Variants in PLEKHA2 observed in about 807,000 individuals in gnomAD.
The protein encoded by PLEKHA2 is pleckstrin homology domain-containing family A member 2.
In PLEKHA2, 28 loss-of-function variants were observed where a neutral mutation model predicts 53.2. The ratio of observed to expected loss-of-function variants is 0.53; its 90% CI spans 0.39 to 0.72. The LOEUF (loss-of-function observed/expected upper bound fraction) is 0.72, where lower values mean the gene tolerates loss of function less well. Ranked by LOEUF, PLEKHA2 falls within the 30% of genes least tolerant of loss-of-function variation. The pLI is 0.00. For synonymous variants in PLEKHA2, 193 were observed against 196.4 expected, an observed-to-expected ratio of 0.98 and a Z score of 0.14; for missense variants, 426 against 537.9, an observed-to-expected ratio of 0.79 and a Z score of 2.06.
At chr8:38,928,159 A>G (rs1834320311) in intron 2 of PLEKHA2, among the ~76,000 whole-genome samples, 1 of 150,254 alleles carries the variant, frequency 6.7e-6, no homozygotes, top group Non-Finnish European at 1.5e-5. Context: ...CTTTAGAAAC[A>G]TTTAGGTGGC....
chr8:38,909,675 C>A (rs560367589), intron 1 of PLEKHA2, among the ~76,000 whole-genome samples: 2 of 152,286 alleles, frequency 1.3e-5, no homozygotes, highest in South Asian at 4.2e-4. Flanking sequence ...CCCAGTGCCC[C>A]CCATTTCATT....
At chr8:38,923,279 G>T in intron 2 of PLEKHA2, among the ~76,000 whole-genome samples, 1 of 152,162 alleles carries the variant, frequency 6.6e-6, no homozygotes, top group East Asian at 1.9e-4. Flanking sequence ...TGCAATCTTG[G>T]CTCTGCCACT....
chr8:38,905,314 T>C (rs1833853702), intron 1 of PLEKHA2, among the ~76,000 whole-genome samples: 1 of 151,944 alleles, frequency 6.6e-6, no homozygotes, highest in Non-Finnish European at 1.5e-5. Context: ...AAAAATTAGC[T>C]AGCTGTAGTA....
intron 9 of PLEKHA2, among the ~76,000 whole-genome samples, chr8:38,955,985 A>ATT (rs937886999): frequency 6.6e-6 from 1 of 150,890 alleles, no homozygotes; most frequent in Non-Finnish European, 1.5e-5. Flanking sequence ...TCAGTTTTGT[A>ATT]TTTTTTTTTA....
chr8:38,946,345 C>G, intron 5 of PLEKHA2, 124 bp downstream of exon 5: 1 of 737,662 alleles, frequency 1.4e-6, no homozygotes, highest in South Asian at 1.7e-5. Flanking sequence ...GGTCTGTACC[C>G]AGTTCTCTCC....
At chr8:38,915,268 A>C (rs1009983375) in intron 1 of PLEKHA2, among the ~76,000 whole-genome samples, 2 of 152,174 alleles carry the variant, frequency 1.3e-5, no homozygotes, top group African/African-American at 2.4e-5. Flanking sequence ...CTGATTCCTC[A>C]TTCTTTCCAT....
intron 2 of PLEKHA2, among the ~76,000 whole-genome samples, chr8:38,928,720 G>T (rs920088452): frequency 6.6e-6 from 1 of 152,168 alleles, no homozygotes; most frequent in African/African-American, 2.4e-5. Context: ...TTAAGCCCAC[G>T]CAGCAGAGGA....
At chr8:38,938,709 C>G (rs1415847478) in intron 3 of PLEKHA2, among the ~76,000 whole-genome samples, 2 of 152,184 alleles carry the variant, frequency 1.3e-5, no homozygotes, top group Non-Finnish European at 2.9e-5. Flanking sequence ...ACAGGACCCA[C>G]CAGTCAACCA....
chr8:38,916,422 C>T (rs554307690), intron 1 of PLEKHA2, among the ~76,000 whole-genome samples: 1 of 152,280 alleles, frequency 6.6e-6, no homozygotes, highest in East Asian at 1.9e-4. Flanking sequence ...CCCCCACTAC[C>T]CTTCCCAGCC....
intron 2 of PLEKHA2, among the ~76,000 whole-genome samples, chr8:38,920,793 G>A (rs1319470515): frequency 1.3e-5 from 2 of 151,138 alleles, no homozygotes; most frequent in Non-Finnish European, 3.0e-5. Context: ...CGAACTCCTG[G>A]TTTCTTTTTT....
At chr8:38,919,395 T>C (rs7844400) in intron 2 of PLEKHA2, among the ~76,000 whole-genome samples, 68,541 of 151,954 alleles carry the variant, frequency 0.45, 17,660 homozygotes, top group African/African-American at 0.72. Flanking sequence ...TGCTGTTAGC[T>C]CTTTCCTTCC....
At chr8:38,916,588 A>G (rs1224425589) in intron 1 of PLEKHA2, among the ~76,000 whole-genome samples, 1 of 152,296 alleles carries the variant, frequency 6.6e-6, no homozygotes, top group East Asian at 1.9e-4. Flanking sequence ...TGTTGTTGCA[A>G]ATGACAGGAT....
intron 2 of PLEKHA2, among the ~76,000 whole-genome samples, chr8:38,921,205 T>A (rs926201252): frequency 1.2e-4 from 18 of 152,238 alleles, no homozygotes; most frequent in African/African-American, 4.3e-4. Context: ...GGGTGACTTA[T>A]GGGTCTTCAC....
intron 3 of PLEKHA2, among the ~76,000 whole-genome samples, chr8:38,940,040 G>T (rs971676149): frequency 7.0e-6 from 1 of 143,660 alleles, no homozygotes; most frequent in African/African-American, 2.6e-5. Flanking sequence ...GGCTGACCAA[G>T]CCATGACTGC....
rs527773872 is a variant in PLEKHA2 at position 38,941,087 on chromosome 8, C to T, written c.199-2702C>T. 3.6e-4 allele frequency among the ~76,000 whole-genome samples: 54 copies of T among 149,046 alleles called. 1 individual carries two copies. The South Asian group carries it at 0.01, about 29-fold the overall frequency. On this transcript the variant is annotated intron_variant, in intron 3 of 11. Coordinates refer to ENST00000617275, the MANE Select transcript of PLEKHA2 (RefSeq NM_021623.2). ...TTTTTTTTTTTTAAAGACAGAGTCT[C>T]GCTCTGTCACCAAGGCTGGAGTGCA...
At chr8:38,938,638 C>T (rs1162501630) in intron 3 of PLEKHA2, among the ~76,000 whole-genome samples, 4 of 152,194 alleles carry the variant, frequency 2.6e-5, no homozygotes, top group African/African-American at 4.8e-5. Context: ...CGTCACTCTA[C>T]GGGGGACCTG....
chr8:38,927,729 A>G (rs1213765680), intron 2 of PLEKHA2, among the ~76,000 whole-genome samples: 1 of 152,166 alleles, frequency 6.6e-6, no homozygotes, highest in Non-Finnish European at 1.5e-5. Context: ...TAATGATATC[A>G]ATGATCTCCA....
intron 1 of PLEKHA2, among the ~76,000 whole-genome samples, chr8:38,905,699 T>TG (rs1283400479): frequency 1.3e-5 from 2 of 149,370 alleles, no homozygotes; most frequent in Non-Finnish European, 3.0e-5. Context: ...TTTTTTTTTT[T>TG]TTTGAGACAG....
In PLEKHA2 at chr8:38,952,217, C is replaced by T. The variant is rs767350037; in HGVS notation, c.538C>T (p.Arg180Ter). 3.7e-6 allele frequency: 6 copies of T among 1,612,974 alleles called. No individual in the cohort carries two copies. Among genetic ancestry groups the T allele is most frequent in the Non-Finnish European group, 4.2e-6 (5 of 1,179,610 alleles). The change falls in exon 7 of 12, where the codon CGA becomes TGA. Residue 180 changes from arginine (R) to a stop codon, truncating the protein, a stop_gained. Coordinates refer to ENST00000617275, the MANE Select transcript of PLEKHA2 (RefSeq NM_021623.2). LOFTEE classifies it high-confidence loss of function. Reference protein sequence around the residue: ...GSEPGSHTILRRSQSYIPTSG... With the variant: ...GSEPGSHTIL The stretch of plus-strand genomic sequence containing the variant: ...TGAGCCCGGGTCCCACACCATCCTT[C>T]GAAGGTCTCAGAGTTACATCCCCAC...
Sources: allele counts gnomAD v4.1 joint callset (sites outside exome capture counted in the v4.1 genomes callset), GRCh38; gene constraint gnomAD v4.1.1; transcripts MANE v1.5; gene names NCBI Gene and HGNC (gene_info 2026-07-23, HGNC 2026-07-21).